Variants in SLC38A8 observed in about 807,000 individuals in gnomAD.
SLC38A8 encodes the protein solute carrier family 38 member 8, also known as amino acid transporter SLC38A8.
In SLC38A8, 65 loss-of-function variants were observed where a neutral mutation model predicts 46.0. The ratio of observed to expected loss-of-function variants is 1.41; its 90% CI spans 1.16 to 1.74. SLC38A8 has a LOEUF of 1.74. Ranked by LOEUF, SLC38A8 falls within the 40% of genes most tolerant of loss-of-function variation. SLC38A8 has a pLI of 0.00. For synonymous variants in SLC38A8, 447 were observed against 243.7 expected, an observed-to-expected ratio of 1.83 and a Z score of -7.77; for missense variants, 998 against 567.9, an observed-to-expected ratio of 1.76 and a Z score of -7.70.
At chr16:84,018,554 C>T (rs960814354) in intron 7 of SLC38A8, among the ~76,000 whole-genome samples, 3 of 152,080 alleles carry the variant, frequency 2.0e-5, no homozygotes, top group Non-Finnish European at 4.4e-5. Context: ...CCACTAGTGC[C>T]ATGCCCATAA....
intron 7 of SLC38A8, among the ~76,000 whole-genome samples, chr16:84,020,590 A>G (rs1003662798): frequency 1.3e-5 from 2 of 152,196 alleles, no homozygotes; most frequent in African/African-American, 2.4e-5. Flanking sequence ...GAGCCAGATC[A>G]GGGGCCACCT....
chr16:84,020,990 A>G (rs780711928), intron 7 of SLC38A8, among the ~76,000 whole-genome samples: 6 of 152,194 alleles, frequency 3.9e-5, no homozygotes, highest in Non-Finnish European at 7.3e-5. Context: ...AGCAGCTAAG[A>G]GTAGCCATGC....
Position 84,017,258 on chromosome 16 carries a change from C to G in SLC38A8, c.835G>C (p.Glu279Gln). The G allele has an allele frequency of 6.2e-7, 1 of 1,614,128 alleles. No individual in the cohort carries two copies. The change falls in exon 8 of 11, where the codon GAA becomes CAA. Residue 279 changes from glutamate (E) to glutamine (Q), a missense_variant. Coordinates refer to ENST00000299709, the MANE Select transcript of SLC38A8 (RefSeq NM_001080442.3). ...GVYGFLTFGT[E>Q]VSADVLMSYP... is the part of the protein sequence containing the mutation. ...GACATCAAGACGTCAGCAGAAACTT[C>G]TGTCCCAAAAGTCAGGAAGCCATAA...
chr16:84,017,126 G>C lies in SLC38A8; in HGVS notation c.953+14C>G. 1 of 1,613,756 alleles carries C rather than the reference G, an allele frequency of 6.2e-7. No individual in the cohort carries two copies. The highest frequency in any genetic ancestry group is 1.1e-5 in the South Asian group (1 of 91,038). On this transcript the variant is annotated intron_variant, in intron 8 of 10. Transcript: ENST00000299709. ...ACCATGCTTCACGGTGCCCCCCACTGAGCCAGGCCTCACCTCCCCAGGAAG... is the reference window on the plus strand; with the variant it reads ...ACCATGCTTCACGGTGCCCCCCACTCAGCCAGGCCTCACCTCCCCAGGAAG...
chr16:84,029,469 G>C (rs1274125894), intron 6 of SLC38A8, 25 bp downstream of exon 6: 2 of 1,613,314 alleles, frequency 1.2e-6, no homozygotes, highest in Non-Finnish European at 8.5e-7. Context: ...AACGCCACAG[G>C]CTGCAACACA....
At chr16:84,015,344 G>C (rs1180118027) in intron 9 of SLC38A8, among the ~76,000 whole-genome samples, 2 of 152,060 alleles carry the variant, frequency 1.3e-5, no homozygotes, top group African/African-American at 4.8e-5. Context: ...TGCTTGGGCT[G>C]TTTGGGAAGG....
chr16:84,024,793 G>A (rs1192832561), intron 6 of SLC38A8, among the ~76,000 whole-genome samples: 7 of 152,198 alleles, frequency 4.6e-5, no homozygotes, highest in Middle Eastern at 3.4e-3. Context: ...GGGCTTAAGC[G>A]ACTCTCCTGC....
chr16:84,011,095 C>G (rs1533078), intron 10 of SLC38A8, among the ~76,000 whole-genome samples: 35,836 of 152,178 alleles, frequency 0.24, 7,206 homozygotes, highest in African/African-American at 0.55. Context: ...AGGAACATTT[C>G]TAACCGAGCA....
At chr16:84,011,612 G>A (rs114459281) in intron 10 of SLC38A8, among the ~76,000 whole-genome samples, 1 of 152,348 alleles carries the variant, frequency 6.6e-6, no homozygotes, top group African/African-American at 2.4e-5. Flanking sequence ...TGGAACCTGT[G>A]CTTGCCAGCT....
chr16:84,010,999 G>A (rs989801479), intron 10 of SLC38A8, among the ~76,000 whole-genome samples: 10 of 152,164 alleles, frequency 6.6e-5, no homozygotes, highest in African/African-American at 1.9e-4. Context: ...AGGTCAGAGC[G>A]ATAACAAGAT....
Position 84,031,948 on chromosome 16 carries a change from G to T in SLC38A8, c.551C>A (p.Ala184Asp). 6.2e-7 allele frequency: 1 copy of T among 1,614,210 alleles called. No individual in the cohort carries two copies. The highest frequency in any genetic ancestry group is 1.1e-5 in the South Asian group (1 of 91,086). Residue 184 changes from alanine to aspartate, a missense_variant, in exon 5 of 11, where the codon GCC becomes GAC. By Grantham distance (126) the Ala-to-Asp change is moderately radical. Coordinates refer to ENST00000299709, the MANE Select transcript of SLC38A8 (RefSeq NM_001080442.3). ...GGTGATGACCAGGGCCAGGTAACAG[G>T]CAGCCAGAGTGCCTAGGATGCTAAC... ...KYTSILGTLA[A>D]CYLALVITVQ...
chr16:84,033,216 C>G (rs978947169), intron 4 of SLC38A8, 112 bp downstream of exon 4: 2 of 1,451,520 alleles, frequency 1.4e-6, no homozygotes, highest in Non-Finnish European at 1.9e-6. Flanking sequence ...TTTTCCCCTT[C>G]TCCAAATGTG....
In SLC38A8 at chr16:84,026,075, C is replaced by T. The variant is rs527622680; in HGVS notation, c.691-3186G>A. Among the ~76,000 whole-genome samples the T allele has an allele frequency of 5.3e-5, 8 of 152,362 alleles. No individual in the cohort carries two copies. The East Asian group carries it at 1.5e-3, about 29-fold the overall frequency. On this transcript the variant is annotated intron_variant, in intron 6 of 10. Transcript: ENST00000299709. ...CTGCCTTCAGGGCACGGCAGATGCC[C>T]CGAGGTGGGGAGTCCCCGAACGGCA...
intron 9 of SLC38A8, among the ~76,000 whole-genome samples, chr16:84,013,700 A>G: frequency 6.8e-6 from 1 of 147,958 alleles, no homozygotes; most frequent in Non-Finnish European, 1.5e-5. Flanking sequence ...AAGTGCTGGG[A>G]TTACAGGCAT....
chr16:84,011,874 ACT>A (rs2084957962), intron 10 of SLC38A8, among the ~76,000 whole-genome samples: 1 of 152,248 alleles, frequency 6.6e-6, no homozygotes, highest in African/African-American at 2.4e-5. Context: ...ACAGAGCAAG[ACT>A]CTGTCTCAAA....
chr16:84,028,467 C>A (rs931320974), intron 6 of SLC38A8, among the ~76,000 whole-genome samples: 4 of 151,802 alleles, frequency 2.6e-5, no homozygotes, highest in Non-Finnish European at 4.4e-5. Flanking sequence ...CGCCTGTAGT[C>A]CCAGCTACTC....
intron 9 of SLC38A8, among the ~76,000 whole-genome samples, chr16:84,015,852 T>C (rs2085018896): frequency 6.6e-6 from 1 of 152,172 alleles, no homozygotes; most frequent in African/African-American, 2.4e-5. Flanking sequence ...ATTACAGGCA[T>C]ACACCACCAT....
rs1441864688 is a variant in SLC38A8 at position 84,042,092 on chromosome 16, G to C, written c.66C>G (p.Ala22=). 2 of 1,613,928 alleles carry C rather than the reference G, an allele frequency of 1.2e-6. No homozygotes were observed. The highest frequency in any genetic ancestry group is 2.7e-5 in the African/African-American group (2 of 74,932). ...PEKPHPATAA[A]TLSSMGAVFI... ...AGACAGCGCCCATCGAGGACAGAGT[G>C]GCAGCAGCCGTGGCAGGGTGAGGCT... Residue 22 remains alanine, a synonymous_variant, in exon 2 of 11, where the codon GCC becomes GCG. Transcript: ENST00000299709.
intron 9 of SLC38A8, 77 bp from the exon 10 acceptor site, chr16:84,013,129 C>T: frequency 1.3e-6 from 2 of 1,564,146 alleles, no homozygotes; most frequent in Non-Finnish European, 8.7e-7. Context: ...GAGAGGTCCT[C>T]AGGGACCCAG....
Sources: allele counts gnomAD v4.1 joint callset (sites outside exome capture counted in the v4.1 genomes callset), GRCh38; gene constraint gnomAD v4.1.1; transcripts MANE v1.5; gene names NCBI Gene and HGNC (gene_info 2026-07-23, HGNC 2026-07-21).